PIWIL1: variants seen among roughly 807,000 people sequenced by gnomAD.
PIWIL1 encodes the protein piwi like RNA-mediated gene silencing 1.
Under a neutral mutation model 114.4 loss-of-function variants are expected in PIWIL1, and 73 were observed. The ratio of observed to expected loss-of-function variants is 0.64; its 90% CI spans 0.53 to 0.78. The LOEUF (loss-of-function observed/expected upper bound fraction) is 0.78, where lower values mean the gene tolerates loss of function less well. Ranked by LOEUF, PIWIL1 falls within the 30% of genes least tolerant of loss-of-function variation. The probability of loss-of-function intolerance (pLI) is 0.00; values close to 1 mark genes in which losing one functional copy is unlikely to be tolerated. For synonymous variants in PIWIL1, 375 were observed against 369.0 expected (o/e 1.02, Z -0.19); for missense variants, 723 against 1,063.1 (o/e 0.68, Z 4.45).
the PIWIL1 span, chr12:130,383,513 A>G: frequency 6.6e-6 from 1 of 152,212 alleles, no homozygotes; most frequent in Non-Finnish European, 1.5e-5. Context: ...TAATATAATG[A>G]TGGGGCTTCT....
At chr12:130,415,770 C>G in the PIWIL1 span, among the ~76,000 whole-genome samples, 2 of 152,162 alleles carry the variant, frequency 1.3e-5, no homozygotes, top group African/African-American at 4.8e-5. Flanking sequence ...AATTATCTCT[C>G]TTCACTGATG....
At chr12:130,342,250 A>C (rs963230593) in intron 1 of PIWIL1, 25 of 318,794 alleles carry the variant, frequency 7.8e-5, no homozygotes, top group Admixed American at 1.3e-4. Context: ...TGGGAAAGAA[A>C]GAACCAGCCA....
At chr12:130,412,922 T>C in the PIWIL1 span, 2 of 829,666 alleles carry the variant, frequency 2.4e-6, no homozygotes, top group Non-Finnish European at 3.6e-6. Flanking sequence ...ATCACCTGCA[T>C]AGGTCACCCA....
the PIWIL1 span, among the ~76,000 whole-genome samples, chr12:130,382,621 T>C: frequency 7.2e-5 from 11 of 152,364 alleles, no homozygotes; most frequent in Middle Eastern, 3.4e-3. Flanking sequence ...GTAATAACTT[T>C]GTTAGGCTTT....
At chr12:130,424,839 G>A in the PIWIL1 span, 1 of 1,232,564 alleles carries the variant, frequency 8.1e-7, no homozygotes, top group East Asian at 3.2e-5. The surrounding 1 kb of genome is among the most constrained non-coding windows in gnomAD (Gnocchi z 9.8). Flanking sequence ...GCCTTCCGAG[G>A]TCCTATGGTC....
At chr12:130,367,518 T>G (rs2073693604) in intron 19 of PIWIL1, among the ~76,000 whole-genome samples, 1 of 152,250 alleles carries the variant, frequency 6.6e-6, no homozygotes, top group Non-Finnish European at 1.5e-5. Context: ...CATAGGGAGA[T>G]TAAGCATTGC....
chr12:130,424,143 A>AG, the PIWIL1 span: 8 of 1,229,002 alleles, frequency 6.5e-6, no homozygotes, highest in Non-Finnish European at 8.1e-6. The surrounding 1 kb of genome is among the most constrained non-coding windows in gnomAD (Gnocchi z 9.8). Context: ...GTCACACACC[A>AG]GGGGGCCTTG....
chr12:130,339,569 G>A (rs2072841252), intron 1 of PIWIL1: 1 of 152,200 alleles, frequency 6.6e-6, no homozygotes, highest in African/African-American at 2.4e-5. Flanking sequence ...TGTGGTTATT[G>A]GAAGCACACA....
chr12:130,409,421 C>T, the PIWIL1 span, among the ~76,000 whole-genome samples: 41 of 140,286 alleles, frequency 2.9e-4, 1 homozygote, highest in South Asian at 2.4e-4. Context: ...CGGCTCACTG[C>T]AAGCTCCGCC....
chr12:130,362,976 T>A lies in PIWIL1; in HGVS notation c.2042-15T>A, dbSNP rs757893583. Reference sequence around the variant, plus strand: ...TAGGCATGAATTGACATAAAACTTCTCTGGCCTGTTTCAGCGGCTCTGAGG... The same window carrying A: ...TAGGCATGAATTGACATAAAACTTCACTGGCCTGTTTCAGCGGCTCTGAGG... On this transcript the variant is annotated splice_polypyrimidine_tract_variant and intron_variant, in intron 17 of 20. Transcript: ENST00000245255. The A allele has an allele frequency of 6.2e-7, 1 of 1,613,366 alleles. No homozygotes were observed. The highest frequency in any genetic ancestry group is 2.2e-5 in the East Asian group (1 of 44,832).
intron 16 of PIWIL1, among the ~76,000 whole-genome samples, chr12:130,362,445 T>C (rs1003683189): frequency 2.6e-5 from 4 of 152,228 alleles, no homozygotes; most frequent in African/African-American, 9.6e-5. Flanking sequence ...ATGAGTGTGC[T>C]TCTGTGCGTA....
the PIWIL1 span, chr12:130,424,970 G>C: frequency 4.0e-5 from 22 of 544,034 alleles, no homozygotes; most frequent in South Asian, 9.1e-4. The surrounding 1 kb of genome is among the most constrained non-coding windows in gnomAD (Gnocchi z 9.8). Flanking sequence ...GAGGCACCGA[G>C]GGGGGGGAAG....
chr12:130,401,480 T>G, the PIWIL1 span, among the ~76,000 whole-genome samples: 1 of 151,892 alleles, frequency 6.6e-6, no homozygotes, highest in South Asian at 2.1e-4. Context: ...CCCCACATAC[T>G]TCCTGCATCT....
chr12:130,375,532 G>T (rs934522591), downstream of PIWIL1, among the ~76,000 whole-genome samples: 1 of 152,168 alleles, frequency 6.6e-6, no homozygotes, highest in Non-Finnish European at 1.5e-5. Context: ...CGGCACGCAC[G>T]GTCTGTGCAC....
At chr12:130,404,287 A>G in the PIWIL1 span, among the ~76,000 whole-genome samples, 6 of 152,158 alleles carry the variant, frequency 3.9e-5, no homozygotes, top group African/African-American at 1.4e-4. Context: ...AATCATAATA[A>G]GATCTATATA....
the PIWIL1 span, among the ~76,000 whole-genome samples, chr12:130,384,207 T>A: frequency 6.6e-6 from 1 of 152,250 alleles, no homozygotes; most frequent in African/African-American, 2.4e-5. Flanking sequence ...CAGATGTGTG[T>A]GTGGCATGTA....
chr12:130,346,712 T>G, intron 5 of PIWIL1, 128 bp downstream of exon 5: 1 of 865,102 alleles, frequency 1.2e-6, no homozygotes, highest in Non-Finnish European at 1.8e-6. Flanking sequence ...AATAAACACA[T>G]AGGGTACTTT....
intron 1 of PIWIL1, chr12:130,342,155 C>CGTGT (rs56124149): frequency 0.019 from 2,512 of 134,946 alleles, 22 homozygotes; most frequent in East Asian, 0.039. Context: ...TGCCTGTTTC[C>CGTGT]GTGTGTGTGT....
chr12:130,408,002 T>G, the PIWIL1 span, among the ~76,000 whole-genome samples: 262 of 152,298 alleles, frequency 1.7e-3, 1 homozygote, highest in African/African-American at 5.9e-3. Flanking sequence ...GGGTCAGTGG[T>G]CTGGGACTCC....
Sources: allele counts gnomAD v4.1 joint callset (sites outside exome capture counted in the v4.1 genomes callset), GRCh38; gene constraint gnomAD v4.1.1; non-coding constraint Gnocchi (gnomAD v3.1); transcripts MANE v1.5; gene names NCBI Gene and HGNC (gene_info 2026-07-23, HGNC 2026-07-21).